The following HMOX1 variants were observed in gnomAD, a reference collection of about 807,000 sequenced individuals.
HMOX1 encodes the protein heat shock protein, 32-kD.
A neutral mutation model predicts 27.8 loss-of-function variants in HMOX1; 22 were observed. That is an observed-to-expected ratio of 0.79 (90% CI 0.57 to 1.13). HMOX1 has a LOEUF of 1.13. Ranked by LOEUF, HMOX1 falls within the 50% of genes most tolerant of loss-of-function variation. HMOX1 has a pLI of 0.00. For synonymous variants in HMOX1, 153 were observed against 151.6 expected (o/e 1.01, Z -0.07); for missense variants, 379 against 377.7 (o/e 1.00, Z -0.03).
At chr22:35,393,416 C>T (rs1931773126) in intron 4 of HMOX1, 52 bp from the exon 5 acceptor site, 1 of 1,611,340 alleles carries the variant, frequency 6.2e-7, no homozygotes, top group South Asian at 1.1e-5. Flanking sequence ...TGACATCAGA[C>T]ACCCTGATGC....
intron 1 of HMOX1, 47 bp downstream of exon 1, chr22:35,381,243 C>G: frequency 1.9e-6 from 3 of 1,541,226 alleles, no homozygotes; most frequent in Non-Finnish European, 2.6e-6. Flanking sequence ...TCTCTCCCAA[C>G]CCTGCTTGCG....
chr22:35,393,527 C>T lies in HMOX1; in HGVS notation c.796C>T (p.Pro266Ser). The T allele has an allele frequency of 6.2e-7, 1 of 1,614,236 alleles. No individual in the cohort carries two copies. ...CCCACTCAACACCCGCTCCCAGGCT[C>T]CGCTTCTCCGATGGGTCCTTACACT... is the stretch of plus-strand genomic sequence containing the variant. The part of the protein sequence containing the change: ...KPPLNTRSQA[P>S]LLRWVLTLSF... Residue 266 changes from proline (P) to serine (S), a missense_variant, in exon 5 of 5, where the codon CCG becomes TCG. Transcript: ENST00000216117.
Position 35,393,566 on chromosome 22 carries a change from G to C in HMOX1, c.835G>C (p.Ala279Pro). 1 of 1,614,216 alleles carries C rather than the reference G, an allele frequency of 6.2e-7. No homozygotes were observed. The highest frequency in any genetic ancestry group is 1.1e-5 in the South Asian group (1 of 91,088). ...RWVLTLSFLVATVAVGLYAM is the reference protein window; with the variant it reads ...RWVLTLSFLVPTVAVGLYAM The stretch of plus-strand genomic sequence containing the variant: ...GGTCCTTACACTCAGCTTTCTGGTG[G>C]CGACAGTTGCTGTAGGGCTTTATGC... The change falls in exon 5 of 5, where the codon GCG becomes CCG. Residue 279 changes from alanine (A) to proline (P), a missense_variant. By Grantham distance (27) the Ala-to-Pro change is conservative (BLOSUM62 -1). Coordinates refer to ENST00000216117, the MANE Select transcript of HMOX1 (RefSeq NM_002133.3).
intron 1 of HMOX1, 69 bp from the exon 2 acceptor site, chr22:35,383,037 A>C: frequency 6.3e-7 from 1 of 1,599,590 alleles, no homozygotes; most frequent in Non-Finnish European, 8.5e-7. Context: ...CACAGGTGGG[A>C]GGCTCAGCAG....
At position 35,390,004 on chromosome 22, in the gene HMOX1, A is replaced by T. The variant is rs1178193486; in HGVS notation, c.736+41A>T. On this transcript the variant is annotated intron_variant, in intron 4 of 4. Coordinates refer to ENST00000216117, the MANE Select transcript of HMOX1 (RefSeq NM_002133.3). Reference sequence around the variant, plus strand: ...AAGGGGCACTTCCTCTGGGCTACACATGGAGGGACTTGGCTGTCTGACTGT... The same window carrying T: ...AAGGGGCACTTCCTCTGGGCTACACTTGGAGGGACTTGGCTGTCTGACTGT... The T allele has an allele frequency of 3.0e-6, 4 of 1,324,734 alleles. No individual in the cohort carries two copies. The African/African-American group carries it at 5.7e-5, about 19-fold the overall frequency. 82.1% of individuals were successfully genotyped at this position (1,324,734 alleles called of 1,614,324 possible). A position where few individuals can be genotyped will look rare whatever the true frequency, so the allele number is the denominator to read the frequency against.
At chr22:35,385,628 T>C (rs964982980) in intron 2 of HMOX1, among the ~76,000 whole-genome samples, 3 of 149,002 alleles carry the variant, frequency 2.0e-5, no homozygotes, top group Non-Finnish European at 4.5e-5. Flanking sequence ...TTTTTTTTTT[T>C]TTTCTGAGTC....
chr22:35,387,803 G>A (rs1433383195), intron 3 of HMOX1, among the ~76,000 whole-genome samples: 2 of 152,238 alleles, frequency 1.3e-5, no homozygotes, highest in Non-Finnish European at 2.9e-5. Flanking sequence ...CATGGGGCCT[G>A]GGGCTCGGGG....
intron 3 of HMOX1, among the ~76,000 whole-genome samples, chr22:35,389,417 TTTCTTTCTTTCTA>T (rs1931645610): frequency 9.5e-6 from 1 of 105,056 alleles, no homozygotes; most frequent in Admixed American, 8.6e-5. Context: ...TCTTTCTTTC[TTTCTTTCTTTCTA>T]TCTTTCTTTC....
At chr22:35,386,001 G>T (rs1284020609) in intron 2 of HMOX1, among the ~76,000 whole-genome samples, 1 of 151,366 alleles carries the variant, frequency 6.6e-6, no homozygotes, top group African/African-American at 2.4e-5. Context: ...TGTTGCCCAG[G>T]CTGGAGTGCA....
chr22:35,387,122 A>G lies in HMOX1; in HGVS notation c.582A>G (p.Ala194=). The G allele has an allele frequency of 1.9e-6, 3 of 1,613,608 alleles. No homozygotes were observed. Among genetic ancestry groups the G allele is most frequent in the South Asian group, 1.1e-5 (1 of 91,082 alleles). ...SRMNSLEMTP[A]VRQRVIEEAK... is the part of the protein sequence containing the mutation. ...TGAACTCCCTGGAGATGACTCCCGCAGTCAGGCAGAGGGTGATAGAAGAGG... is the reference window on the plus strand; with the variant it reads ...TGAACTCCCTGGAGATGACTCCCGCGGTCAGGCAGAGGGTGATAGAAGAGG... The change falls in exon 3 of 5, where the codon GCA becomes GCG. Residue 194 remains alanine, a synonymous_variant. Transcript: ENST00000216117.
At chr22:35,392,293 G>C (rs1051384903) in intron 4 of HMOX1, among the ~76,000 whole-genome samples, 6 of 151,512 alleles carry the variant, frequency 4.0e-5, no homozygotes, top group Admixed American at 3.9e-4. Flanking sequence ...TTTGTAAATA[G>C]TGATAGCTAT....
Position 35,381,110 on chromosome 22 carries a change from C to T in HMOX1, c.-64C>T, listed in dbSNP as rs1931377167. 26 of 1,533,042 alleles carry T rather than the reference C, an allele frequency of 1.7e-5. No homozygotes were observed. Among genetic ancestry groups the T allele is most frequent in the Non-Finnish European group, 2.2e-5 (25 of 1,144,698 alleles). The allele number at this position is 1,533,042 out of a possible 1,614,324, so 95.0% of individuals were successfully genotyped here. A position where few individuals can be genotyped will look rare whatever the true frequency, so the allele number is the denominator to read the frequency against. On this transcript the variant is annotated 5_prime_UTR_variant, in exon 1 of 5. Transcript: ENST00000216117. ...CTCCGGCAGTCAACGCCTGCCTCCTCTCGAGCGTCCTCAGCGCAGCCGCCG... is the reference window on the plus strand; with the variant it reads ...CTCCGGCAGTCAACGCCTGCCTCCTTTCGAGCGTCCTCAGCGCAGCCGCCG...
intron 4 of HMOX1, among the ~76,000 whole-genome samples, chr22:35,392,664 G>A (rs1021815281): frequency 3.9e-5 from 6 of 151,938 alleles, no homozygotes; most frequent in African/African-American, 1.5e-4. Context: ...GAGGAGGCAG[G>A]TGGCACATCT....
chr22:35,391,961 A>C (rs1012241478), intron 4 of HMOX1, among the ~76,000 whole-genome samples: 1 of 152,024 alleles, frequency 6.6e-6, no homozygotes, highest in Admixed American at 6.6e-5. Flanking sequence ...ACGATGGCTC[A>C]TGCCTGTAAT....
chr22:35,381,507 C>T (rs186867778), intron 1 of HMOX1, among the ~76,000 whole-genome samples: 6 of 151,984 alleles, frequency 3.9e-5, no homozygotes, highest in Admixed American at 3.9e-4. Context: ...TTTGGAGTTG[C>T]TCTCTGCTGA....
In HMOX1 at chr22:35,388,042, T is replaced by C. The variant is rs550778241; in HGVS notation, c.636+866T>C. 9.1e-4 allele frequency among the ~76,000 whole-genome samples: 138 copies of C among 152,220 alleles called. 1 individual carries two copies. In the South Asian group the frequency reaches 0.028, roughly 31 times the overall value. ...ACTTTGGGAAGCCGAGGTGGGCGGATTGCTTGAGCTCAGGAGTTTCAGACC... is the reference window on the plus strand; with the variant it reads ...ACTTTGGGAAGCCGAGGTGGGCGGACTGCTTGAGCTCAGGAGTTTCAGACC... On this transcript the variant is annotated intron_variant, in intron 3 of 4. Transcript: ENST00000216117.
intron 4 of HMOX1, among the ~76,000 whole-genome samples, chr22:35,392,811 G>A (rs973259908): frequency 6.6e-6 from 1 of 150,912 alleles, no homozygotes; most frequent in Non-Finnish European, 1.5e-5. Flanking sequence ...TCTGCCTCCT[G>A]GGTTCAAGCA....
At chr22:35,381,374 G>A (rs1931385749) in intron 1 of HMOX1, 178 bp downstream of exon 1, 4 of 702,926 alleles carry the variant, frequency 5.7e-6, no homozygotes, top group Non-Finnish European at 9.4e-6. Flanking sequence ...TAGTTGGAGG[G>A]AGGAACGGTA....
chr22:35,389,399 T>TTTCTTC (rs1422800143), intron 3 of HMOX1, among the ~76,000 whole-genome samples: 21 of 42,766 alleles, frequency 4.9e-4, no homozygotes, highest in East Asian at 1.9e-3. Context: ...TTCCTTCCTT[T>TTTCTTC]CTTTCTTTCT....
Sources: gnomAD v4.1 joint callset for allele counts (sites outside exome capture counted in the v4.1 genomes callset) on GRCh38, gnomAD v4.1.1 for gene constraint, MANE v1.5 for transcripts, NCBI Gene and HGNC (gene_info 2026-07-23, HGNC 2026-07-21) for gene names.